PCDHGA1: variants seen among roughly 807,000 people sequenced by gnomAD.
The protein encoded by PCDHGA1 is protocadherin gamma subfamily A, 1.
A neutral mutation model predicts 58.0 loss-of-function variants in PCDHGA1; 32 were observed. That is an observed-to-expected ratio of 0.55 (90% CI 0.42 to 0.74). The LOEUF is 0.74. Among genes scored for constraint, PCDHGA1 ranks in the 30% least tolerant of loss-of-function variants. PCDHGA1 has a pLI of 0.00. For missense variants in PCDHGA1, 1,205 were observed against 1,182.3 expected, an observed-to-expected ratio of 1.02 and a Z score of -0.28; for synonymous variants, 498 against 501.1, an observed-to-expected ratio of 0.99 and a Z score of 0.08.
chr5:141,341,578 A>C (rs1436256630), intron 1 of PCDHGA1: 11 of 1,223,202 alleles, frequency 9.0e-6, no homozygotes, highest in Non-Finnish European at 1.2e-5. Flanking sequence ...GGAAGAAGAG[A>C]CGTGAGAATC....
intron 1 of PCDHGA1, chr5:141,409,914 G>C: frequency 6.2e-7 from 1 of 1,613,348 alleles, no homozygotes; most frequent in East Asian, 2.2e-5. Context: ...GGTCCTGACG[G>C]CTCCGCGTTC....
Position 141,356,649 on chromosome 5 carries a change from C to A in PCDHGA1, c.2421+23544C>A, listed in dbSNP as rs780140906. 7.4e-6 allele frequency: 12 copies of A among 1,614,014 alleles called. No individual in the cohort carries two copies. In the South Asian group the frequency reaches 1.3e-4, roughly 18 times the overall value. On this transcript the variant is annotated intron_variant, in intron 1 of 3. Transcript: ENST00000517417. Reference sequence around the variant, plus strand: ...CTGCTCAAGACCCTGACAGTGGTGACAATGCCCGAATCACTTACTCCCTGG... The same window carrying A: ...CTGCTCAAGACCCTGACAGTGGTGAAAATGCCCGAATCACTTACTCCCTGG...
intron 1 of PCDHGA1, chr5:141,339,031 G>T: frequency 6.3e-7 from 1 of 1,596,114 alleles, no homozygotes; most frequent in Non-Finnish European, 8.6e-7. Flanking sequence ...GCTTCCTTTT[G>T]GCGACCCTGT....
intron 1 of PCDHGA1, among the ~76,000 whole-genome samples, chr5:141,401,612 C>A (rs1190962219): frequency 6.6e-6 from 1 of 152,146 alleles, no homozygotes; most frequent in Non-Finnish European, 1.5e-5. Context: ...AAAAAGACAC[C>A]GGATTTGTCT....
intron 1 of PCDHGA1, chr5:141,361,685 A>G (rs1554077900): frequency 9.3e-6 from 15 of 1,613,570 alleles, no homozygotes; most frequent in Non-Finnish European, 1.2e-5. Context: ...GTGTTCGCGC[A>G]GCGCGCCTTC....
At chr5:141,369,295 G>T (rs556803561) in intron 1 of PCDHGA1, among the ~76,000 whole-genome samples, 1 of 152,082 alleles carries the variant, frequency 6.6e-6, no homozygotes, top group African/African-American at 2.4e-5. Flanking sequence ...TCCTAATAAC[G>T]CATCATTGTT....
intron 1 of PCDHGA1, chr5:141,394,735 G>C: frequency 6.2e-7 from 1 of 1,613,450 alleles, no homozygotes; most frequent in Non-Finnish European, 8.5e-7. Context: ...CTCAAGCAGA[G>C]CCTCGTGGTG....
intron 2 of PCDHGA1, among the ~76,000 whole-genome samples, chr5:141,496,123 C>T (rs2099766207): frequency 6.6e-6 from 1 of 152,098 alleles, no homozygotes; most frequent in African/African-American, 2.4e-5. Flanking sequence ...CTTCCCTGCC[C>T]CTCACACACT....
chr5:141,452,710 G>GAAGT (rs1343622540), intron 1 of PCDHGA1, among the ~76,000 whole-genome samples: 1 of 151,996 alleles, frequency 6.6e-6, no homozygotes, highest in Non-Finnish European at 1.5e-5. Flanking sequence ...AGAAAGGAAG[G>GAAGT]AATGAGGGAG....
chr5:141,356,522 A>C, intron 1 of PCDHGA1: 1 of 1,613,734 alleles, frequency 6.2e-7, no homozygotes, highest in Non-Finnish European at 8.5e-7. Flanking sequence ...ATTTCACTGC[A>C]AGTGATGGAC....
At position 141,339,767 on chromosome 5, in the gene PCDHGA1, G is replaced by C. The variant is rs1249313668; in HGVS notation, c.2421+6662G>C. 3.7e-6 allele frequency: 6 copies of C among 1,614,022 alleles called. No homozygotes were observed. The Admixed American group carries it at 1.0e-4, about 27-fold the overall frequency. Reference sequence around the variant, plus strand: ...GGGCACCCGGATACTCACGGTGACCGCCACTGACGCAGATGAGGGCTACTA... The same window carrying C: ...GGGCACCCGGATACTCACGGTGACCCCCACTGACGCAGATGAGGGCTACTA... On this transcript the variant is annotated intron_variant, in intron 1 of 3. Transcript: ENST00000517417.
At chr5:141,388,465 T>C in intron 1 of PCDHGA1, 2 of 1,613,816 alleles carry the variant, frequency 1.2e-6, no homozygotes, top group Non-Finnish European at 1.7e-6. Flanking sequence ...TACCCTGAGA[T>C]GGTATTGAAG....
intron 1 of PCDHGA1, chr5:141,415,749 T>C: frequency 8.2e-7 from 1 of 1,214,000 alleles, no homozygotes; most frequent in Non-Finnish European, 1.1e-6. Flanking sequence ...GGTTTTTTTT[T>C]TTTTTTTTTT....
intron 1 of PCDHGA1, among the ~76,000 whole-genome samples, chr5:141,433,397 A>ATCTATCTG (rs1554126017): frequency 5.3e-5 from 8 of 150,410 alleles, no homozygotes; most frequent in Non-Finnish European, 1.2e-4. Context: ...CTATCTATCT[A>ATCTATCTG]TCTATCTATT....
intron 1 of PCDHGA1, chr5:141,393,518 A>C: frequency 6.2e-7 from 1 of 1,614,030 alleles, no homozygotes; most frequent in Non-Finnish European, 8.5e-7. Context: ...TGTTGGATAC[A>C]AATGACAATG....
rs1477077191 is a variant in PCDHGA1, at chr5:141,427,802, C to T, written c.2422-67005C>T. 7.3e-6 allele frequency: 11 copies of T among 1,510,148 alleles called. No individual in the cohort carries two copies. In the South Asian group the frequency reaches 9.0e-5, roughly 12 times the overall value. The allele number at this position is 1,510,148 out of a possible 1,614,324, so 93.5% of individuals were successfully genotyped here. A position where few individuals can be genotyped will look rare whatever the true frequency, so the allele number is the denominator to read the frequency against. On this transcript the variant is annotated intron_variant, in intron 1 of 3. Transcript: ENST00000517417. ...CACTGTCGTCCTACGTGTCCGTGAG[C>T]GCACAGAGCGGGGTGGTGGTCGCGC... is the stretch of plus-strand genomic sequence containing the variant.
Position 141,331,362 on chromosome 5 carries a change from C to T in PCDHGA1, c.678C>T (p.Leu226=), listed in dbSNP as rs759809810. ...GTGAACCAGTCCGTTCAGGGACCCT[C>T]AGAATTTACATTCAGGTGGTGGATG... ...DGGEPVRSGT[L]RIYIQVVDAN... is the part of the protein sequence containing the mutation. The change falls in exon 1 of 4, where the codon CTC becomes CTT. Residue 226 remains leucine (L), a synonymous_variant. Coordinates refer to ENST00000517417, the MANE Select transcript of PCDHGA1 (RefSeq NM_018912.3). 1 of 1,614,178 alleles carries T rather than the reference C, an allele frequency of 6.2e-7. No homozygotes were observed. Among genetic ancestry groups the T allele is most frequent in the South Asian group, 1.1e-5 (1 of 91,086 alleles).
chr5:141,332,593 G>A lies in PCDHGA1; in HGVS notation c.1909G>A (p.Ala637Thr), dbSNP rs550952748. Residue 637 changes from alanine (A) to threonine (T), a missense_variant, in exon 1 of 4, where the codon GCG becomes ACG. Physicochemically the swap from Ala to Thr is moderately conservative, Grantham distance 58 (BLOSUM62 0). Transcript: ENST00000517417. This position sits in a 1 kb window ranked among gnomAD's most constrained non-coding sequence, Gnocchi z 4.6. ...RTARALLDRDALKQSLVVAVQ... is the reference protein window; with the variant it reads ...RTARALLDRDTLKQSLVVAVQ... ...GGCGCGAGCCCTGCTGGACAGAGACGCGCTCAAGCAGAGTCTCGTGGTGGC... is the reference window on the plus strand; with the variant it reads ...GGCGCGAGCCCTGCTGGACAGAGACACGCTCAAGCAGAGTCTCGTGGTGGC... The A allele has an allele frequency of 6.2e-6, 10 of 1,612,704 alleles. No homozygotes were observed. The highest frequency in any genetic ancestry group is 1.1e-5 in the South Asian group (1 of 91,006).
intron 1 of PCDHGA1, among the ~76,000 whole-genome samples, chr5:141,386,754 C>T (rs1026748961): frequency 9.8e-5 from 15 of 152,302 alleles, no homozygotes; most frequent in Admixed American, 3.3e-4. Flanking sequence ...GGCAGAACTA[C>T]GGTTATAAGG....
Sources: allele counts gnomAD v4.1 joint callset (sites outside exome capture counted in the v4.1 genomes callset), GRCh38; gene constraint gnomAD v4.1.1; non-coding constraint Gnocchi (gnomAD v3.1); transcripts MANE v1.5; gene names NCBI Gene and HGNC (gene_info 2026-07-23, HGNC 2026-07-21).